Variants in GARRE1 observed in about 807,000 individuals in gnomAD.
GARRE1 encodes the protein granule associated Rac and RHOG effector protein 1.
A neutral mutation model predicts 103.2 loss-of-function variants in GARRE1; 49 were observed. The ratio of observed to expected loss-of-function variants is 0.47; its 90% confidence interval spans 0.38 to 0.60. GARRE1 has a LOEUF of 0.60. Ranked by LOEUF, GARRE1 falls within the 20% of genes least tolerant of loss-of-function variation. GARRE1 has a pLI of 0.00. For missense variants in GARRE1, 1,199 were observed against 1,370.5 expected (o/e 0.87, Z 1.98); for synonymous variants, 505 against 532.8 (o/e 0.95, Z 0.72).
intron 7 of GARRE1, among the ~76,000 whole-genome samples, chr19:34,331,658 T>C (rs2074138436): frequency 6.6e-6 from 1 of 152,194 alleles, no homozygotes; most frequent in Admixed American, 6.5e-5. Flanking sequence ...CCATAGAATC[T>C]TACGTATTTG....
chr19:34,345,952 G>A (rs962195055), intron 10 of GARRE1, among the ~76,000 whole-genome samples: 4 of 152,202 alleles, frequency 2.6e-5, no homozygotes, highest in African/African-American at 9.6e-5. Flanking sequence ...TGCACCTGAA[G>A]TCCATGGTGT....
intron 2 of GARRE1, among the ~76,000 whole-genome samples, chr19:34,306,962 G>A (rs1298307061): frequency 2.0e-5 from 3 of 152,072 alleles, no homozygotes; most frequent in Non-Finnish European, 4.4e-5. Flanking sequence ...TGACATTCGA[G>A]TAAAGGCCTG....
intron 1 of GARRE1, among the ~76,000 whole-genome samples, chr19:34,291,226 A>T (rs2073916246): frequency 1.3e-5 from 2 of 152,014 alleles, no homozygotes; most frequent in Admixed American, 1.3e-4. Context: ...CTTTTTTACC[A>T]TTGTAAAGTA....
intron 1 of GARRE1, among the ~76,000 whole-genome samples, chr19:34,256,681 T>G (rs2073675171): frequency 6.6e-6 from 1 of 152,122 alleles, no homozygotes; most frequent in African/African-American, 2.4e-5. Flanking sequence ...GCTTTATCAT[T>G]TTATCATATT....
At position 34,293,820 on chromosome 19, in the gene GARRE1, G is replaced by A. The variant is rs186447917; in HGVS notation, c.-795-5859G>A. On this transcript the variant is annotated intron_variant, in intron 1 of 13. Transcript: ENST00000299505. ...GTCACCCAGGCTGGAGTGCAGTGGT[G>A]CGATCTCAGCTCACTGCAACCTCCG... 4.1e-4 allele frequency among the ~76,000 whole-genome samples: 56 copies of A among 137,818 alleles called. No homozygotes were observed. In the South Asian group the frequency reaches 4.4e-3, roughly 11 times the overall value. 90.4% of individuals were successfully genotyped at this position (137,818 alleles called of 152,430 possible). A position where few individuals can be genotyped will look rare whatever the true frequency, so the allele number is the denominator to read the frequency against.
intron 1 of GARRE1, among the ~76,000 whole-genome samples, chr19:34,266,711 C>G (rs554735363): frequency 1.3e-5 from 2 of 152,184 alleles, no homozygotes; most frequent in South Asian, 4.1e-4. Flanking sequence ...GTGTTCTCAG[C>G]TTGGAAGAGA....
chr19:34,272,224 C>CT (rs2145958606), intron 1 of GARRE1, among the ~76,000 whole-genome samples: 1 of 152,128 alleles, frequency 6.6e-6, no homozygotes, highest in South Asian at 2.1e-4. Context: ...CAGGGTAAAA[C>CT]TTTTTTTGAA....
chr19:34,298,576 G>C (rs1480979284), intron 1 of GARRE1, among the ~76,000 whole-genome samples: 1 of 152,008 alleles, frequency 6.6e-6, no homozygotes, highest in Non-Finnish European at 1.5e-5. Flanking sequence ...AGCCAGGCAT[G>C]GTGGGCGCTT....
intron 13 of GARRE1, among the ~76,000 whole-genome samples, chr19:34,352,404 A>G (rs902516969): frequency 7.9e-5 from 12 of 151,838 alleles, no homozygotes; most frequent in Admixed American, 2.0e-4. Flanking sequence ...CATCTCAAAA[A>G]AAAAAAAAAA....
At chr19:34,301,588 A>AT (rs1457609616) in intron 2 of GARRE1, among the ~76,000 whole-genome samples, 10 of 151,740 alleles carry the variant, frequency 6.6e-5, no homozygotes, top group African/African-American at 2.4e-4. Flanking sequence ...TGTCTTTCAA[A>AT]TTTTCAAGTC....
At position 34,341,874 on chromosome 19, in the gene GARRE1, A is replaced by G; in HGVS notation, c.1940A>G (p.Gln647Arg). The change falls in exon 10 of 14, where the codon CAA becomes CGA. Residue 647 changes from glutamine (Q) to arginine (R), a missense_variant. Physicochemically the swap from Gln to Arg is conservative, Grantham distance 43. Coordinates refer to ENST00000299505, the MANE Select transcript of GARRE1 (RefSeq NM_014686.5). ...AACTTACCAACTGATCAGGAAATGC[A>G]AGAGGTGATAGATTTTCTCTCGGGC... The part of the protein sequence containing the change: ...GMNLPTDQEM[Q>R]EVIDFLSGFN... 5 of 1,614,210 alleles carry G rather than the reference A, an allele frequency of 3.1e-6. No individual in the cohort carries two copies. Among genetic ancestry groups the G allele is most frequent in the Non-Finnish European group, 4.2e-6 (5 of 1,180,048 alleles).
At chr19:34,342,822 C>T (rs1040242567) in intron 10 of GARRE1, among the ~76,000 whole-genome samples, 4 of 151,982 alleles carry the variant, frequency 2.6e-5, no homozygotes, top group African/African-American at 9.7e-5. Context: ...GATTATATAA[C>T]CTGTTCTTTG....
chr19:34,330,749 T>TTTTG (rs1568308352), intron 7 of GARRE1, among the ~76,000 whole-genome samples: 1 of 122,330 alleles, frequency 8.2e-6, no homozygotes, highest in Non-Finnish European at 1.8e-5. Context: ...TTTTTTTTTT[T>TTTTG]GTGTGTGTGT....
chr19:34,307,583 A>G (rs547921718), intron 2 of GARRE1, among the ~76,000 whole-genome samples: 2 of 146,988 alleles, frequency 1.4e-5, no homozygotes, highest in Non-Finnish European at 3.0e-5. Context: ...ATATGTATGT[A>G]TATATATACA....
intron 1 of GARRE1, among the ~76,000 whole-genome samples, chr19:34,258,132 TG>T (rs771871987): frequency 1.1e-4 from 16 of 152,088 alleles, no homozygotes; most frequent in Non-Finnish European, 2.2e-4. Flanking sequence ...TCAAAAGTGC[TG>T]GGATTACAGG....
intron 2 of GARRE1, among the ~76,000 whole-genome samples, chr19:34,316,505 G>A (rs2074061183): frequency 6.6e-6 from 1 of 152,204 alleles, no homozygotes; most frequent in African/African-American, 2.4e-5. Context: ...TCTGTTTCAG[G>A]AGAGGAGCTG....
At chr19:34,307,526 T>TTA (rs138253510) in intron 2 of GARRE1, among the ~76,000 whole-genome samples, 47 of 148,866 alleles carry the variant, frequency 3.2e-4, no homozygotes, top group South Asian at 8.4e-4. Flanking sequence ...TATATACGTA[T>TTA]TATATATATA....
intron 1 of GARRE1, among the ~76,000 whole-genome samples, chr19:34,284,188 T>TG (rs2073873060): frequency 1.5e-5 from 2 of 136,106 alleles, no homozygotes; most frequent in African/African-American, 5.7e-5. Flanking sequence ...TAGAGTGCGG[T>TG]GGTGCAATCT....
intron 3 of GARRE1, among the ~76,000 whole-genome samples, chr19:34,324,130 G>A (rs1334170909): frequency 2.0e-5 from 3 of 152,122 alleles, no homozygotes; most frequent in Non-Finnish European, 4.4e-5. Context: ...GTGCGACCTA[G>A]TGTTTTCTCT....
Sources: gnomAD v4.1 joint callset for allele counts (sites outside exome capture counted in the v4.1 genomes callset) on GRCh38, gnomAD v4.1.1 for gene constraint, MANE v1.5 for transcripts, NCBI Gene and HGNC (gene_info 2026-07-23, HGNC 2026-07-21) for gene names.